POU6F2: variants seen among roughly 807,000 people sequenced by gnomAD.
POU6F2 encodes the protein POU class 6 homeobox 2, also known as POU domain, class 6, transcription factor 2.
POU6F2 carries 31 observed loss-of-function variants against 71.3 expected under a neutral mutation model. The ratio of observed to expected loss-of-function variants is 0.43; its 90% CI spans 0.33 to 0.59. The LOEUF (loss-of-function observed/expected upper bound fraction) is 0.59, where lower values mean the gene tolerates loss of function less well. Ranked by LOEUF, POU6F2 falls within the 20% of genes least tolerant of loss-of-function variation. The pLI is 0.04. For missense variants in POU6F2, 783 were observed against 856.8 expected (o/e 0.91, Z 1.07); for synonymous variants, 347 against 355.7 (o/e 0.98, Z 0.27).
intron 4 of POU6F2, among the ~76,000 whole-genome samples, chr7:39,241,460 G>A (rs1300319904): frequency 6.6e-6 from 1 of 152,156 alleles, no homozygotes. Flanking sequence ...GTGTGCTGGT[G>A]TGGTGAAGGT....
chr7:39,110,102 CT>C (rs1295562192), intron 2 of POU6F2, among the ~76,000 whole-genome samples: 2 of 152,000 alleles, frequency 1.3e-5, no homozygotes, highest in African/African-American at 4.8e-5. Flanking sequence ...GAAACCCCGT[CT>C]CTACTAAAAA....
intron 1 of POU6F2, among the ~76,000 whole-genome samples, chr7:39,010,151 C>T (rs1352990676): frequency 8.3e-4 from 95 of 115,044 alleles, no homozygotes; most frequent in African/African-American, 3.0e-3. Context: ...TCCATCTGGT[C>T]CTGGACTGTT....
At chr7:39,431,273 A>G (rs1788093452) in intron 6 of POU6F2, among the ~76,000 whole-genome samples, 1 of 152,180 alleles carries the variant, frequency 6.6e-6, no homozygotes, top group East Asian at 1.9e-4. Context: ...CAAGTCCTCC[A>G]TTAGTGCCAT....
chr7:39,384,997 G>C (rs746238232), intron 5 of POU6F2, among the ~76,000 whole-genome samples: 2 of 150,854 alleles, frequency 1.3e-5, no homozygotes, highest in Non-Finnish European at 3.0e-5. Flanking sequence ...GTTGTTTTTT[G>C]TATATATGTG....
chr7:39,313,356 C>G (rs1785203559), intron 4 of POU6F2, among the ~76,000 whole-genome samples: 1 of 152,014 alleles, frequency 6.6e-6, no homozygotes, highest in Admixed American at 6.6e-5. Context: ...TCCAATACCC[C>G]CAACACCCTC....
chr7:38,979,033 T>C (rs1296318595), intron 1 of POU6F2, among the ~76,000 whole-genome samples: 1 of 151,934 alleles, frequency 6.6e-6, no homozygotes, highest in Non-Finnish European at 1.5e-5. Flanking sequence ...AAAGGGAGGG[T>C]GATTTTTCTG....
chr7:39,309,273 G>A (rs887939628), intron 4 of POU6F2, among the ~76,000 whole-genome samples: 2 of 152,236 alleles, frequency 1.3e-5, no homozygotes, highest in African/African-American at 4.8e-5. Context: ...AGGAGATGGT[G>A]CAAGGAATCC....
chr7:39,420,212 A>G (rs1365621581), intron 6 of POU6F2, among the ~76,000 whole-genome samples: 2 of 152,250 alleles, frequency 1.3e-5, no homozygotes, highest in Non-Finnish European at 2.9e-5. Flanking sequence ...CCTTCTTTAT[A>G]TGAGGATCTT....
chr7:39,430,510 G>A (rs371334310), intron 6 of POU6F2, among the ~76,000 whole-genome samples: 1 of 152,246 alleles, frequency 6.6e-6, no homozygotes, highest in African/African-American at 2.4e-5. Flanking sequence ...TGCTGGCACA[G>A]TTGAAAGTGA....
chr7:39,455,879 A>G (rs1263604576), intron 8 of POU6F2, among the ~76,000 whole-genome samples: 2 of 152,176 alleles, frequency 1.3e-5, no homozygotes, highest in South Asian at 2.1e-4. Flanking sequence ...AATCTTTTTT[A>G]CTTTCAGTCC....
intron 5 of POU6F2, among the ~76,000 whole-genome samples, chr7:39,380,656 AT>A (rs1786809933): frequency 1.3e-5 from 2 of 152,304 alleles, no homozygotes; most frequent in African/African-American, 4.8e-5. Context: ...CCTATTTTGT[AT>A]TATTATATTA....
chr7:39,128,140 C>T (rs954535352), intron 2 of POU6F2, among the ~76,000 whole-genome samples: 2 of 151,866 alleles, frequency 1.3e-5, no homozygotes, highest in East Asian at 1.9e-4. Flanking sequence ...TGTGCCCGGC[C>T]GCCAGTGGAA....
rs139153083 is a variant in POU6F2, at chr7:39,236,532, C to T, written c.598+28912C>T. On this transcript the variant is annotated intron_variant, in intron 4 of 9. Coordinates refer to ENST00000518318, the MANE Select transcript of POU6F2 (RefSeq NM_001370959.1). ...CCGCTTTTCATTTTTTACCATTTCA[C>T]ACCTTGTCCGCATCTTGAGCAAGCT... 5.1e-4 allele frequency among the ~76,000 whole-genome samples: 78 copies of T among 152,262 alleles called. 1 individual carries two copies. The highest frequency in any genetic ancestry group is 7.6e-4 in the Non-Finnish European group (52 of 68,018).
In POU6F2 at chr7:39,407,564, C is replaced by T. The variant is rs529837497; in HGVS notation, c.1113+824C>T. Among the ~76,000 whole-genome samples the T allele has an allele frequency of 7.2e-5, 11 of 151,752 alleles. No homozygotes were observed. In the South Asian group the frequency reaches 2.3e-3, roughly 32 times the overall value. ...CTGTCTCAGAGCCCAGTGGTTAGGA[C>T]ACTTGGTTCTCCAGTGTGACTGATC... On this transcript the variant is annotated intron_variant, in intron 6 of 9. Coordinates refer to ENST00000518318, the MANE Select transcript of POU6F2 (RefSeq NM_001370959.1).
At chr7:39,401,736 G>A (rs758113868) in intron 5 of POU6F2, among the ~76,000 whole-genome samples, 23 of 152,174 alleles carry the variant, frequency 1.5e-4, no homozygotes, top group Non-Finnish European at 2.9e-4. Context: ...TGATGAATGC[G>A]TTTATGAATA....
chr7:39,210,640 G>A (rs545384227), intron 4 of POU6F2, among the ~76,000 whole-genome samples: 6 of 152,160 alleles, frequency 3.9e-5, no homozygotes, highest in East Asian at 1.9e-4. Context: ...CTCTGACAGC[G>A]GGGGTCATAT....
At chr7:39,291,325 T>G (rs1417313502) in intron 4 of POU6F2, among the ~76,000 whole-genome samples, 1 of 152,214 alleles carries the variant, frequency 6.6e-6, no homozygotes, top group Admixed American at 6.5e-5. Flanking sequence ...TGCCAATGCA[T>G]TATTTCAGGT....
chr7:39,073,175 C>T (rs1209081499), intron 1 of POU6F2, among the ~76,000 whole-genome samples: 2 of 152,060 alleles, frequency 1.3e-5, no homozygotes, highest in Non-Finnish European at 2.9e-5. Flanking sequence ...AGAGCCATCC[C>T]CAATCCATGC....
intron 4 of POU6F2, among the ~76,000 whole-genome samples, chr7:39,259,702 A>G (rs75801621): frequency 0.014 from 2,055 of 152,094 alleles, 39 homozygotes; most frequent in African/African-American, 0.046. Context: ...TTATCTCAGC[A>G]TCCTCCCTGG....
Sources: gnomAD v4.1 joint callset for allele counts (sites outside exome capture counted in the v4.1 genomes callset) on GRCh38, gnomAD v4.1.1 for gene constraint, MANE v1.5 for transcripts, NCBI Gene and HGNC (gene_info 2026-07-23, HGNC 2026-07-21) for gene names.